Variants in COL23A1 observed in about 807,000 individuals in gnomAD.
The protein encoded by COL23A1 is collagen alpha-1(XXIII) chain.
Under a neutral mutation model 99.3 loss-of-function variants are expected in COL23A1, and 97 were observed. The observed-to-expected ratio is 0.98, with a 90% CI of 0.83 to 1.16. The LOEUF (loss-of-function observed/expected upper bound fraction) is 1.16. Ranked by LOEUF, COL23A1 falls within the 50% of genes most tolerant of loss-of-function variation. COL23A1 has a pLI of 0.00. For missense variants in COL23A1, 762 were observed against 757.4 expected, an observed-to-expected ratio of 1.01 and a Z score of -0.07; for synonymous variants, 320 against 308.2, an observed-to-expected ratio of 1.04 and a Z score of -0.40.
intron 2 of COL23A1, among the ~76,000 whole-genome samples, chr5:178,497,674 G>T (rs1252248548): frequency 2.0e-5 from 3 of 152,202 alleles, no homozygotes; most frequent in South Asian, 4.1e-4. Context: ...TGAGTAAGAA[G>T]TTTTGGGGGA....
chr5:178,391,819 G>C (rs1195034907), intron 2 of COL23A1, among the ~76,000 whole-genome samples: 1 of 152,208 alleles, frequency 6.6e-6, no homozygotes, highest in Non-Finnish European at 1.5e-5. Context: ...AAAAGTCCAA[G>C]TATCCAAATG....
intron 2 of COL23A1, among the ~76,000 whole-genome samples, chr5:178,502,354 A>C (rs1308840042): frequency 1.3e-5 from 2 of 152,202 alleles, no homozygotes; most frequent in Admixed American, 6.5e-5. Flanking sequence ...GATGGTCTCG[A>C]TCTTCTGACC....
chr5:178,269,411 C>T (rs1442858061), intron 6 of COL23A1, among the ~76,000 whole-genome samples: 3 of 101,142 alleles, frequency 3.0e-5, no homozygotes, highest in Admixed American at 1.0e-4. Context: ...ATCCAACCAT[C>T]CATCCACCCG....
At chr5:178,427,592 A>G (rs1766013307) in intron 2 of COL23A1, among the ~76,000 whole-genome samples, 3 of 152,212 alleles carry the variant, frequency 2.0e-5, no homozygotes, top group African/African-American at 7.2e-5. Flanking sequence ...TAGCTACATA[A>G]TATTTAGCAC....
At chr5:178,508,730 A>G (rs1404508721) in intron 2 of COL23A1, among the ~76,000 whole-genome samples, 1 of 152,130 alleles carries the variant, frequency 6.6e-6, no homozygotes, top group Non-Finnish European at 1.5e-5. Context: ...GTTAGGGCAG[A>G]GCAGTTCTTA....
chr5:178,316,835 C>T (rs1230020704), intron 2 of COL23A1, among the ~76,000 whole-genome samples: 1 of 148,532 alleles, frequency 6.7e-6, no homozygotes, highest in East Asian at 1.9e-4. Context: ...ACATTGAAGT[C>T]TGTGGACTTC....
At chr5:178,254,475 C>T (rs189500218) in intron 16 of COL23A1, among the ~76,000 whole-genome samples, 2 of 152,350 alleles carry the variant, frequency 1.3e-5, no homozygotes, top group East Asian at 3.9e-4. Context: ...GAGCTGCTGG[C>T]ACCCAGTGCC....
In COL23A1 at chr5:178,417,543, T is replaced by A. The variant is rs573931676; in HGVS notation, c.362-110624A>T. Among the ~76,000 whole-genome samples the A allele has an allele frequency of 2.0e-5, 3 of 151,428 alleles. No homozygotes were observed. In the South Asian group the frequency reaches 6.3e-4, roughly 32 times the overall value. ...ACCACAGCCCTGCCTCCCCATTCCA[T>A]CCCCCATTCCCCCAGCGAGATATCA... On this transcript the variant is annotated intron_variant, in intron 2 of 28. Transcript: ENST00000390654.
intron 2 of COL23A1, among the ~76,000 whole-genome samples, chr5:178,389,780 G>C (rs1260753786): frequency 3.3e-5 from 5 of 152,180 alleles, no homozygotes; most frequent in African/African-American, 1.2e-4. Flanking sequence ...TGTGGCCTTG[G>C]TGAGCCCAAG....
chr5:178,303,594 C>T (rs745847240), intron 3 of COL23A1, among the ~76,000 whole-genome samples: 2 of 152,212 alleles, frequency 1.3e-5, no homozygotes, highest in Non-Finnish European at 2.9e-5. Flanking sequence ...GACTCTAGCA[C>T]AGACACTGTT....
chr5:178,262,304 C>T, intron 9 of COL23A1, 52 bp from the exon 10 acceptor site: 2 of 1,547,302 alleles, frequency 1.3e-6, no homozygotes, highest in Non-Finnish European at 1.8e-6. Flanking sequence ...TCACATTGAA[C>T]TGAGCCCAAA....
intron 1 of COL23A1, among the ~76,000 whole-genome samples, chr5:178,571,903 A>C (rs1035041840): frequency 2.0e-5 from 3 of 152,072 alleles, no homozygotes; most frequent in African/African-American, 7.2e-5. Flanking sequence ...CCCCGTCTCT[A>C]CTAAAAATAC....
At chr5:178,242,232 GC>G (rs1421354596) in intron 26 of COL23A1, 104 bp from the exon 27 acceptor site, 58 of 1,461,626 alleles carry the variant, frequency 4.0e-5, no homozygotes, top group Non-Finnish European at 5.3e-5. Context: ...CCCTGCCTCC[GC>G]CCACCTGCCC....
chr5:178,288,984 C>T (rs945647963), intron 4 of COL23A1, among the ~76,000 whole-genome samples: 1 of 151,706 alleles, frequency 6.6e-6, no homozygotes, highest in African/African-American at 2.4e-5. Context: ...AAAAAAGAAA[C>T]AAAAAAAACA....
In COL23A1 at chr5:178,455,202, C is replaced by T. The variant is rs558286981; in HGVS notation, c.361+105480G>A. 3.9e-5 allele frequency among the ~76,000 whole-genome samples: 6 copies of T among 152,356 alleles called. No homozygotes were observed. In the East Asian group the frequency reaches 7.7e-4, roughly 20 times the overall value. On this transcript the variant is annotated intron_variant, in intron 2 of 28. Transcript: ENST00000390654. ...TCTTTCCGGGGGGGACACAGTTCAACCCGTACCACTGAGCAGTCGCTGACT... is the reference window on the plus strand; with the variant it reads ...TCTTTCCGGGGGGGACACAGTTCAATCCGTACCACTGAGCAGTCGCTGACT...
At chr5:178,337,491 T>C (rs974136804) in intron 2 of COL23A1, among the ~76,000 whole-genome samples, 4 of 152,232 alleles carry the variant, frequency 2.6e-5, no homozygotes, top group African/African-American at 9.6e-5. Context: ...CTGGGCTGAC[T>C]GCCAGGCTCT....
intron 3 of COL23A1, among the ~76,000 whole-genome samples, chr5:178,300,771 C>G (rs1267730830): frequency 3.3e-5 from 5 of 151,870 alleles, no homozygotes; most frequent in African/African-American, 9.7e-5. Flanking sequence ...ACCATGTTGG[C>G]CAGGCTGGTC....
At chr5:178,370,578 C>T (rs1294287567) in intron 2 of COL23A1, among the ~76,000 whole-genome samples, 2 of 152,260 alleles carry the variant, frequency 1.3e-5, no homozygotes, top group East Asian at 3.9e-4. Flanking sequence ...AAGAGAGCTA[C>T]TGTCCACAGG....
chr5:178,327,699 G>A (rs556466331), intron 2 of COL23A1, among the ~76,000 whole-genome samples: 1 of 152,206 alleles, frequency 6.6e-6, no homozygotes, highest in African/African-American at 2.4e-5. Flanking sequence ...GTGGCCCTCT[G>A]CACCCTCTGT....
Sources: allele counts gnomAD v4.1 joint callset (sites outside exome capture counted in the v4.1 genomes callset), GRCh38; gene constraint gnomAD v4.1.1; transcripts MANE v1.5; gene names NCBI Gene and HGNC (gene_info 2026-07-23, HGNC 2026-07-21).